Variants in ADAMTS14 observed in about 807,000 individuals in gnomAD.
ADAMTS14 encodes A disintegrin and metalloproteinase with thrombospondin motifs 14.
A neutral mutation model predicts 128.6 loss-of-function variants in ADAMTS14; 100 were observed. The ratio of observed to expected loss-of-function variants is 0.78; its 90% CI spans 0.66 to 0.92. ADAMTS14 has a LOEUF of 0.92. Among genes scored for constraint, ADAMTS14 ranks in the 40% least tolerant of loss-of-function variants. The pLI is 0.00. For missense variants in ADAMTS14, 1,562 were observed against 1,658.6 expected, an observed-to-expected ratio of 0.94 and a Z score of 1.01; for synonymous variants, 665 against 653.8, an observed-to-expected ratio of 1.02 and a Z score of -0.26.
At chr10:70,706,845 C>T (rs1005684008) in intron 3 of ADAMTS14, among the ~76,000 whole-genome samples, 19 of 152,358 alleles carry the variant, frequency 1.2e-4, no homozygotes, top group Admixed American at 1.0e-3. Context: ...TACCTGAGCA[C>T]CCGTGTGGGT....
intron 9 of ADAMTS14, among the ~76,000 whole-genome samples, chr10:70,736,447 GA>G (rs1021020537): frequency 2.6e-5 from 4 of 152,160 alleles, no homozygotes; most frequent in African/African-American, 9.7e-5. Flanking sequence ...AGAACGACAA[GA>G]GCATGGGCCA....
chr10:70,729,543 G>T (rs1474285114), intron 5 of ADAMTS14, among the ~76,000 whole-genome samples, 166 bp downstream of exon 5: 1 of 152,102 alleles, frequency 6.6e-6, no homozygotes, highest in African/African-American at 2.4e-5. Flanking sequence ...AGCCTTTGGA[G>T]GTGGTAAGCA....
At chr10:70,732,114 C>A in intron 6 of ADAMTS14, 140 bp from the exon 7 acceptor site, 1 of 762,896 alleles carries the variant, frequency 1.3e-6, no homozygotes, top group East Asian at 2.7e-5. Context: ...GCAGGTGGGA[C>A]TTTGTGAGCA....
At position 70,702,099 on chromosome 10, in the gene ADAMTS14, C is replaced by A. The variant is rs562199097; in HGVS notation, c.523-213C>A. Among the ~76,000 whole-genome samples the A allele has an allele frequency of 3.9e-5, 6 of 152,240 alleles. No individual in the cohort carries two copies. The East Asian group carries it at 1.2e-3, about 29-fold the overall frequency. ...CTACTTTGCTGAAAGGAGGGTGGGC[C>A]CCTTTGCTCAGCTTTCCTACCACCT... On this transcript the variant is annotated intron_variant, in intron 2 of 21. Coordinates refer to ENST00000373207, the MANE Select transcript of ADAMTS14 (RefSeq NM_080722.4).
chr10:70,734,786 T>G (rs897365655), intron 8 of ADAMTS14, among the ~76,000 whole-genome samples: 1 of 152,194 alleles, frequency 6.6e-6, no homozygotes, highest in African/African-American at 2.4e-5. Flanking sequence ...TCTTGCATGG[T>G]AGGCTTTTCT....
intron 13 of ADAMTS14, 23 bp downstream of exon 13, chr10:70,743,704 C>G (rs374733395): frequency 6.5e-7 from 1 of 1,547,762 alleles, no homozygotes; most frequent in Non-Finnish European, 8.7e-7. Flanking sequence ...CCAGCCACCC[C>G]GACTACCGGC....
chr10:70,682,208 C>T (rs991297633), intron 2 of ADAMTS14, among the ~76,000 whole-genome samples: 3 of 152,014 alleles, frequency 2.0e-5, no homozygotes, highest in African/African-American at 7.3e-5. Context: ...AAGCAGGTAA[C>T]AGAAGAAAGA....
At chr10:70,736,011 A>G (rs1422517764) in intron 9 of ADAMTS14, among the ~76,000 whole-genome samples, 4 of 152,340 alleles carry the variant, frequency 2.6e-5, no homozygotes, top group Non-Finnish European at 5.9e-5. Flanking sequence ...GCCCCCAACC[A>G]TGTGTGGACA....
intron 4 of ADAMTS14, among the ~76,000 whole-genome samples, chr10:70,725,940 GT>G (rs1286232819): frequency 6.6e-5 from 10 of 151,960 alleles, no homozygotes; most frequent in Admixed American, 3.9e-4. Flanking sequence ...CCCAGACGCT[GT>G]TTCCCTTTTC....
intron 3 of ADAMTS14, among the ~76,000 whole-genome samples, chr10:70,706,355 C>G (rs1007000915): frequency 6.6e-6 from 1 of 152,246 alleles, no homozygotes; most frequent in Non-Finnish European, 1.5e-5. Flanking sequence ...CTGTGACAGG[C>G]CTGGCAGGGA....
chr10:70,677,495 T>C (rs1839681486), intron 2 of ADAMTS14, among the ~76,000 whole-genome samples: 1 of 152,168 alleles, frequency 6.6e-6, no homozygotes, highest in Non-Finnish European at 1.5e-5. Context: ...TCTCAGAGGC[T>C]GTCCAGGTAC....
At chr10:70,697,223 C>T (rs373941389) in intron 2 of ADAMTS14, among the ~76,000 whole-genome samples, 1 of 152,220 alleles carries the variant, frequency 6.6e-6, no homozygotes, top group African/African-American at 2.4e-5. Context: ...CTGGCCCACT[C>T]CTCAGCTGGC....
chr10:70,735,217 G>T lies in ADAMTS14; in HGVS notation c.1401G>T (p.Gln467His). Reference protein sequence around the residue: ...LDDPFDPAWPQPPELPGINYS... With the variant: ...LDDPFDPAWPHPPELPGINYS... ...ACCCCTTTGATCCTGCCTGGCCCCA[G>T]CCCCCAGAGCTGCCTGGGATCAACT... The change falls in exon 9 of 22, where the codon CAG (glutamine) becomes CAT (histidine). Residue 467 changes from glutamine to histidine, a missense_variant. Transcript: ENST00000373207. 1 of 1,613,802 alleles carries T rather than the reference G, an allele frequency of 6.2e-7. No homozygotes were observed. Among genetic ancestry groups the T allele is most frequent in the South Asian group, 1.1e-5 (1 of 90,948 alleles).
intron 15 of ADAMTS14, 182 bp downstream of exon 15, chr10:70,745,488 G>A (rs1344317628): frequency 3.3e-5 from 23 of 693,876 alleles, no homozygotes; most frequent in Non-Finnish European, 5.0e-5. Context: ...CCCATTCCAT[G>A]GTTTACATTT....
intron 4 of ADAMTS14, among the ~76,000 whole-genome samples, chr10:70,724,608 G>A (rs749534630): frequency 2.1e-4 from 32 of 152,300 alleles, no homozygotes; most frequent in Admixed American, 7.8e-4. Flanking sequence ...ACCAGACATG[G>A]CAGCCCTGTC....
At chr10:70,714,951 A>G in intron 4 of ADAMTS14, among the ~76,000 whole-genome samples, 1 of 130,200 alleles carries the variant, frequency 7.7e-6, no homozygotes, top group South Asian at 2.2e-4. Flanking sequence ...AGTCTCAAAA[A>G]AAAAAAAAAA....
At position 70,761,903 on chromosome 10, in the gene ADAMTS14, G is replaced by C. The variant is rs1269084156; in HGVS notation, c.*1050G>C. On this transcript the variant is annotated 3_prime_UTR_variant, in exon 22 of 22. Transcript: ENST00000373207. ...GACTGAGGACCAGAGTCCACTCATA[G>C]CCTGGCCCTGGAGATGACAAGGGCC... 1 of 152,592 alleles carries C rather than the reference G, an allele frequency of 6.6e-6. No individual in the cohort carries two copies. The highest frequency in any genetic ancestry group is 1.5e-5 in the Non-Finnish European group (1 of 68,068). 9.5% of individuals were successfully genotyped at this position (152,592 alleles called of 1,614,324 possible). A position where few individuals can be genotyped will look rare whatever the true frequency, so the allele number is the denominator to read the frequency against.
Position 70,729,375 on chromosome 10 carries a change from C to T in ADAMTS14, c.952C>T (p.Gln318Ter). ...CCGCTTGATCATGGTTGGCTACCGA[C>T]AGGTAAACCACCTTGTCAGCAGGCA... is the stretch of plus-strand genomic sequence containing the variant. ...LVRLIMVGYR[Q>*]SLSLIERGNP... Residue 318 changes from glutamine (Q) to a stop codon, truncating the protein, a stop_gained and splice_region_variant, in exon 5 of 22, where the codon CAG (glutamine) becomes TAG (stop). Coordinates refer to ENST00000373207, the MANE Select transcript of ADAMTS14 (RefSeq NM_080722.4). LOFTEE classifies it high-confidence loss of function. The T allele has an allele frequency of 1.2e-6, 2 of 1,613,322 alleles. No individual in the cohort carries two copies. Among genetic ancestry groups the T allele is most frequent in the East Asian group, 2.2e-5 (1 of 44,848 alleles).
At chr10:70,692,268 G>A (rs533263021) in intron 2 of ADAMTS14, among the ~76,000 whole-genome samples, 19 of 152,260 alleles carry the variant, frequency 1.2e-4, no homozygotes, top group Admixed American at 3.3e-4. Flanking sequence ...AGAGCCAGGC[G>A]GAGGAGGGAA....
Sources: gnomAD v4.1 joint callset for allele counts (sites outside exome capture counted in the v4.1 genomes callset) on GRCh38, gnomAD v4.1.1 for gene constraint, MANE v1.5 for transcripts, NCBI Gene and HGNC (gene_info 2026-07-23, HGNC 2026-07-21) for gene names.